Variants in TTC27 observed in about 807,000 individuals in gnomAD.
TTC27 encodes the protein tetratricopeptide repeat protein 27.
A neutral mutation model predicts 115.9 loss-of-function variants in TTC27; 79 were observed. That is an observed-to-expected ratio of 0.68 (90% CI 0.57 to 0.82). The LOEUF is 0.82. TTC27 is among the 40% of genes least tolerant of loss of function. TTC27 has a pLI of 0.00. For synonymous variants in TTC27, 401 were observed against 356.0 expected, an observed-to-expected ratio of 1.13 and a Z score of -1.42; for missense variants, 1,054 against 993.1, an observed-to-expected ratio of 1.06 and a Z score of -0.82.
At chr2:32,727,360 C>T (rs1658209233) in intron 10 of TTC27, among the ~76,000 whole-genome samples, 1 of 152,128 alleles carries the variant, frequency 6.6e-6, no homozygotes. Context: ...CGAGACTGAC[C>T]AGTGAGTACT....
intron 13 of TTC27, among the ~76,000 whole-genome samples, chr2:32,761,237 G>A (rs893374079): frequency 4.0e-5 from 6 of 151,886 alleles, no homozygotes; most frequent in Non-Finnish European, 5.9e-5. Context: ...CCTCTTACCC[G>A]TATACCCCAC....
intron 11 of TTC27, 100 bp from the exon 12 acceptor site, chr2:32,736,594 A>G (rs1668458977): frequency 7.8e-7 from 1 of 1,283,264 alleles, no homozygotes; most frequent in Non-Finnish European, 1.1e-6. Flanking sequence ...TTATTACAAT[A>G]AGCAGACCCC....
At chr2:32,674,309 C>T (rs1045090424) in intron 8 of TTC27, among the ~76,000 whole-genome samples, 2 of 151,902 alleles carry the variant, frequency 1.3e-5, no homozygotes, top group African/African-American at 4.8e-5. Context: ...TGCCACCACA[C>T]CTGGCTAATT....
chr2:32,664,057 C>T (rs1018959044), intron 5 of TTC27, among the ~76,000 whole-genome samples: 3 of 151,988 alleles, frequency 2.0e-5, no homozygotes, highest in African/African-American at 7.2e-5. Context: ...TCATATCTCC[C>T]AGGATTGTGT....
At chr2:32,772,431 T>A (rs1669859795) in intron 13 of TTC27, among the ~76,000 whole-genome samples, 1 of 152,240 alleles carries the variant, frequency 6.6e-6, no homozygotes. Flanking sequence ...TTCCACTTAA[T>A]AACTTTTTGA....
chr2:32,797,873 A>C (rs1335190337), intron 16 of TTC27, among the ~76,000 whole-genome samples: 2 of 152,202 alleles, frequency 1.3e-5, no homozygotes, highest in Non-Finnish European at 2.9e-5. Context: ...CTGATAAGGG[A>C]ATAATATCCA....
At chr2:32,732,650 C>A (rs1417456777) in intron 10 of TTC27, among the ~76,000 whole-genome samples, 2 of 152,106 alleles carry the variant, frequency 1.3e-5, no homozygotes, top group Middle Eastern at 3.4e-3. Context: ...TAAACAGTTT[C>A]CAAGTTACCA....
chr2:32,721,936 T>C (rs1667946014), intron 10 of TTC27, among the ~76,000 whole-genome samples: 2 of 152,308 alleles, frequency 1.3e-5, no homozygotes, highest in Non-Finnish European at 2.9e-5. Flanking sequence ...CTTTCCTTAT[T>C]GGTAGGGTGG....
At position 32,685,645 on chromosome 2, in the gene TTC27, A is replaced by T. The variant is rs576022890; in HGVS notation, c.1119+6723A>T. ...GGAGAAAAACCAAATGATTATCTTA[A>T]TAGAAACAAAAAAGCCTTTGACAAA... On this transcript the variant is annotated intron_variant, in intron 9 of 19. Transcript: ENST00000317907. Among the ~76,000 whole-genome samples the T allele has an allele frequency of 3.9e-5, 6 of 152,346 alleles. No homozygotes were observed. The South Asian group carries it at 1.2e-3, about 32-fold the overall frequency.
At chr2:32,798,269 G>A (rs904691387) in intron 16 of TTC27, among the ~76,000 whole-genome samples, 3 of 151,466 alleles carry the variant, frequency 2.0e-5, no homozygotes, top group East Asian at 1.9e-4. Context: ...GAATGGTGGC[G>A]GGCGCCTGTA....
At chr2:32,673,001 C>T (rs1381021545) in intron 8 of TTC27, among the ~76,000 whole-genome samples, 1 of 152,138 alleles carries the variant, frequency 6.6e-6, no homozygotes, top group East Asian at 1.9e-4. Flanking sequence ...TCAAATTTTG[C>T]TAGTTGTTCA....
At chr2:32,684,959 C>A (rs1160694078) in intron 9 of TTC27, among the ~76,000 whole-genome samples, 16 of 145,198 alleles carry the variant, frequency 1.1e-4, no homozygotes, top group Non-Finnish European at 2.1e-4. Flanking sequence ...GAGGAAACAA[C>A]AACTGCAAAT....
intron 14 of TTC27, among the ~76,000 whole-genome samples, chr2:32,781,254 A>G (rs1362149124): frequency 6.6e-6 from 1 of 152,196 alleles, no homozygotes; most frequent in African/African-American, 2.4e-5. Flanking sequence ...TCCCCCAAAC[A>G]TTCTCTCATT....
intron 4 of TTC27, among the ~76,000 whole-genome samples, chr2:32,649,803 CA>C (rs1265914316): frequency 6.6e-6 from 1 of 152,014 alleles, no homozygotes; most frequent in Non-Finnish European, 1.5e-5. Flanking sequence ...CTCGGCCTCC[CA>C]AAGTGTTGGG....
chr2:32,733,520 G>C (rs960505560), intron 10 of TTC27, among the ~76,000 whole-genome samples: 1 of 152,152 alleles, frequency 6.6e-6, no homozygotes, highest in African/African-American at 2.4e-5. Context: ...ATAAGCTAAA[G>C]AACAGTTCTT....
At chr2:32,672,582 ATTC>A (rs1195542172) in intron 8 of TTC27, among the ~76,000 whole-genome samples, 198 bp downstream of exon 8, 5 of 152,340 alleles carry the variant, frequency 3.3e-5, no homozygotes, top group African/African-American at 1.2e-4. Flanking sequence ...TGATATATCT[ATTC>A]TTCTGTTTCC....
chr2:32,672,500 G>A (rs375073381), intron 8 of TTC27, 116 bp downstream of exon 8: 1 of 710,346 alleles, frequency 1.4e-6, no homozygotes, highest in South Asian at 2.0e-5. Flanking sequence ...GAATTTTGTA[G>A]TGCTTATGAA....
intron 3 of TTC27, chr2:32,635,372 T>C (rs1169750715): frequency 1.3e-5 from 2 of 153,990 alleles, no homozygotes; most frequent in African/African-American, 4.8e-5. Flanking sequence ...GACCTAGTGT[T>C]ACCTGGTTTC....
intron 16 of TTC27, among the ~76,000 whole-genome samples, chr2:32,793,262 G>GA (rs1207464286): frequency 6.6e-6 from 1 of 151,928 alleles, no homozygotes. Context: ...AGTGCTAAAA[G>GA]AAAAAAACTG....
Sources: gnomAD v4.1 joint callset for allele counts (sites outside exome capture counted in the v4.1 genomes callset) on GRCh38, gnomAD v4.1.1 for gene constraint, MANE v1.5 for transcripts, NCBI Gene and HGNC (gene_info 2026-07-23, HGNC 2026-07-21) for gene names.